FLNA: variants seen among roughly 807,000 people sequenced by gnomAD.
FLNA encodes filamin A, also known as filamin-A.
In FLNA, 7 loss-of-function variants were observed where a neutral mutation model predicts 157.6. The observed-to-expected ratio is 0.04, with a 90% CI of 0.03 to 0.08. The LOEUF (loss-of-function observed/expected upper bound fraction) is 0.08. Ranked by LOEUF, FLNA falls within the 10% of genes least tolerant of loss-of-function variation. The pLI, the probability that FLNA is intolerant of heterozygous loss-of-function variation, is 1.00. For synonymous variants in FLNA, 1,103 were observed against 1,060.8 expected (o/e 1.04, Z -0.77); for missense variants, 1,750 against 2,398.4 (o/e 0.73, Z 5.65).
Position 154,359,402 on chromosome X carries a change from C to T in FLNA, c.4147G>A (p.Ala1383Thr), listed in dbSNP as rs781821894. Reference sequence around the variant, plus strand: ...GCCAGGCCCAGGCCGCCCGTGCCAGCTCCCCTGGTCCAAACAGACAGCCGG... The same window carrying T: ...GCCAGGCCCAGGCCGCCCGTGCCAGTTCCCCTGGTCCAAACAGACAGCCGG... ...PNKFTVETRG[A>T]GTGGLGLAVE... The change falls in exon 25 of 48, where the codon GCT becomes ACT. Residue 1383 changes from alanine to threonine, a missense_variant. By Grantham distance (58) the Ala-to-Thr change is moderately conservative. Transcript: ENST00000369850. 1.7e-6 allele frequency: 2 copies of T among 1,210,539 alleles called. No homozygotes were observed. Among genetic ancestry groups the T allele is most frequent in the African/African-American group, 1.7e-5 (1 of 57,582 alleles).
At chrX:154,370,357 G>A (rs1159857324) in intron 2 of FLNA, among the ~76,000 whole-genome samples, 3 of 111,789 alleles carry the variant, frequency 2.7e-5, no homozygotes, top group African/African-American at 9.8e-5. Context: ...CTGGTGGTTG[G>A]AGCCATCTCC....
At position 154,353,616 on chromosome X, in the gene FLNA, C is replaced by T. The variant is rs782005296; in HGVS notation, c.5798G>A (p.Ser1933Asn). ...SYLPVLPGDYSILVKYNEQHV... is the reference protein window; with the variant it reads ...SYLPVLPGDYNILVKYNEQHV... ...CTGTTCATTGTACTTGACTAGAATG[C>T]TGTAGTCCCCCGGCAGCACAGGCAG... The change falls in exon 36 of 48, where the codon AGC (serine) becomes AAC (asparagine). Residue 1933 changes from serine (S) to asparagine (N), a missense_variant. This residue lies in a region of FLNA where 970 missense variants were observed against 1,302.6 expected (regional missense o/e 0.74). Coordinates refer to ENST00000369850, the MANE Select transcript of FLNA (RefSeq NM_001110556.2). The T allele has an allele frequency of 7.4e-6, 9 of 1,211,690 alleles. No individual in the cohort carries two copies. The South Asian group carries it at 1.6e-4, about 21-fold the overall frequency.
rs781934382 is a variant in FLNA at position 154,359,609 on chromosome X, G to A, written c.4017C>T (p.Pro1339=). Reference sequence around the variant, plus strand: ...GCACCTGGAAGGGGCTGCTGGGCACGGGACTGCCGTCATAGGTCACGTCCA... The same window carrying A: ...GCACCTGGAAGGGGCTGCTGGGCACAGGACTGCCGTCATAGGTCACGTCCA... ...HSVDVTYDGS[P]VPSSPFQVPV... is the part of the protein sequence containing the mutation. Residue 1339 remains proline, a synonymous_variant, in exon 24 of 48, where the codon CCC becomes CCT. Transcript: ENST00000369850. The A allele has an allele frequency of 5.0e-6, 6 of 1,209,400 alleles. No homozygotes were observed. Among genetic ancestry groups the A allele is most frequent in the South Asian group, 3.5e-5 (2 of 56,879 alleles).
In FLNA at chrX:154,361,744, G is replaced by A; in HGVS notation, c.2870C>T (p.Pro957Leu). The change falls in exon 20 of 48, where the codon CCT becomes CTT. Residue 957 changes from proline to leucine, a missense_variant. This residue lies in a region of FLNA where 648 missense variants were observed against 805.8 expected (regional missense o/e 0.80). Transcript: ENST00000369850. Reference protein sequence around the residue: ...VNVTYGGDPIPKSPFSVAVSP... With the variant: ...VNVTYGGDPILKSPFSVAVSP... ...TACTGCCACTGAGAAAGGGCTCTTA[G>A]GGATGGGATCCCCTCCATAAGTGAC... 1.7e-6 allele frequency: 2 copies of A among 1,209,705 alleles called. No homozygotes were observed. The highest frequency in any genetic ancestry group is 2.3e-4 in the Middle Eastern group (1 of 4,347).
intron 1 of FLNA, among the ~76,000 whole-genome samples, chrX:154,373,351 G>T (rs781984456): frequency 8.9e-6 from 1 of 112,230 alleles, no homozygotes; most frequent in South Asian, 3.6e-4. Flanking sequence ...AGCAGAAAGA[G>T]TGTCAGGAGG....
Position 154,354,302 on chromosome X carries a change from G to A in FLNA, c.5417-11C>T. The A allele has an allele frequency of 8.3e-7, 1 of 1,211,992 alleles. No individual in the cohort carries two copies. Among genetic ancestry groups the A allele is most frequent in the Non-Finnish European group, 1.1e-6 (1 of 895,642 alleles). On this transcript the variant is annotated splice_polypyrimidine_tract_variant and intron_variant, in intron 33 of 47. Coordinates refer to ENST00000369850, the MANE Select transcript of FLNA (RefSeq NM_001110556.2). ...GCATCCGAACCTCCCCTGTGGGGCA[G>A]TGGGGCTGAGGTCAGGGCAGCTCAT...
In FLNA at chrX:154,366,051, T is replaced by C; in HGVS notation, c.1402A>G (p.Ser468Gly). 8.3e-7 allele frequency: 1 copy of C among 1,208,240 alleles called. No homozygotes were observed. The highest frequency in any genetic ancestry group is 1.1e-6 in the Non-Finnish European group (1 of 894,467). The part of the protein sequence containing the change: ...VTFAGVPIPR[S>G]PYTVTVGQAC... ...TGGCCAACAGTGACAGTGTAGGGGCTGCGAGGGATGGGCACGCCGGCAAAC... is the reference window on the plus strand; with the variant it reads ...TGGCCAACAGTGACAGTGTAGGGGCCGCGAGGGATGGGCACGCCGGCAAAC... The change falls in exon 9 of 48, where the codon AGC becomes GGC. Residue 468 changes from serine (S) to glycine (G), a missense_variant. By Grantham distance (56) the Ser-to-Gly change is moderately conservative. Coordinates refer to ENST00000369850, the MANE Select transcript of FLNA (RefSeq NM_001110556.2).
chrX:154,364,059 G>A lies in FLNA; in HGVS notation c.2243C>T (p.Ser748Phe). The stretch of plus-strand genomic sequence containing the variant: ...GTTGGGGATGCTGACGCCTCCCCAG[G>A]ACACCATGGCTGTGTGCTTCACCGG... ...RKPVKHTAMV[S>F]WGGVSIPNSP... The change falls in exon 15 of 48, where the codon TCC (serine) becomes TTC (phenylalanine). Residue 748 changes from serine to phenylalanine, a missense_variant. Transcript: ENST00000369850. 8.3e-7 allele frequency: 1 copy of A among 1,211,373 alleles called. No homozygotes were observed. The highest frequency in any genetic ancestry group is 1.1e-6 in the Non-Finnish European group (1 of 895,236).
Position 154,355,045 on chromosome X carries a change from A to G in FLNA, c.4997T>C (p.Ile1666Thr), listed in dbSNP as rs863223639. Residue 1666 changes from isoleucine (I) to threonine (T), a missense_variant, in exon 31 of 48, where the codon ATT becomes ACT. By Grantham distance (89) the Ile-to-Thr change is moderately conservative. Coordinates refer to ENST00000369850, the MANE Select transcript of FLNA (RefSeq NM_001110556.2). ...CACAGTGATCACCGTCTCCTCCCCA[A>G]TCTGAATGGTGGGGCCGATGCCAGC... ...LGAGIGPTIQ[I>T]GEETVITVDT... The G allele has an allele frequency of 7.5e-6, 9 of 1,205,500 alleles. No homozygotes were observed. The highest frequency in any genetic ancestry group is 5.3e-5 in the South Asian group (3 of 56,847).
rs1420001297 is a variant in FLNA at position 154,349,826 on chromosome X, C to T, written c.7375G>A (p.Ala2459Thr). The T allele has an allele frequency of 7.4e-6, 9 of 1,211,584 alleles. No individual in the cohort carries two copies. Among genetic ancestry groups the T allele is most frequent in the Non-Finnish European group, 1.0e-5 (9 of 895,427 alleles). ...EFVVNTSNAG[A>T]GALSVTIDGP... ...TCAATGGTCACCGACAGGGCACCAG[C>T]TCCCGCATTGCTCGTGTTCACGACG... Residue 2459 changes from alanine to threonine, a missense_variant, in exon 46 of 48, where the codon GCT (alanine) becomes ACT (threonine). Physicochemically the swap from Ala to Thr is moderately conservative, Grantham distance 58. Around this residue, in one of 5 missense-constraint regions of FLNA, gnomAD observed 970 missense variants for 1,302.6 expected, o/e 0.74. Coordinates refer to ENST00000369850, the MANE Select transcript of FLNA (RefSeq NM_001110556.2).
intron 10 of FLNA, 45 bp from the exon 11 acceptor site, chrX:154,365,304 G>A (rs201548282): frequency 2.5e-6 from 3 of 1,211,408 alleles, no homozygotes; most frequent in African/African-American, 3.5e-5. Context: ...CAGTGAACCC[G>A]GGGGCTGCCG....
At chrX:154,365,308 G>T in intron 10 of FLNA, 41 bp downstream of exon 10, 1 of 1,211,824 alleles carries the variant, frequency 8.3e-7, no homozygotes, top group Non-Finnish European at 1.1e-6. Context: ...GAACCCGGGG[G>T]CTGCCGCCAC....
In FLNA at chrX:154,349,001, T is replaced by C; in HGVS notation, c.7792A>G (p.Arg2598Gly). Reference protein sequence around the residue: ...NMLLVGVHGPRTPCEEILVKH... With the variant: ...NMLLVGVHGPGTPCEEILVKH... ...ACCAGGATCTCCTCGCAGGGGGTCC[T>C]TGGGCCATGAACCCCCACCAGCAGC... The change falls in exon 48 of 48, where the codon AGG becomes GGG. Residue 2598 changes from arginine (R) to glycine (G), a missense_variant. Around this residue, in one of 5 missense-constraint regions of FLNA, gnomAD observed 970 missense variants for 1,302.6 expected, o/e 0.74. Transcript: ENST00000369850. The C allele has an allele frequency of 1.7e-6, 2 of 1,211,224 alleles. No individual in the cohort carries two copies. Among genetic ancestry groups the C allele is most frequent in the Non-Finnish European group, 2.2e-6 (2 of 895,238 alleles).
Position 154,357,327 on chromosome X carries a change from G to A in FLNA, c.4946-53C>T, listed in dbSNP as rs148308896. 5,338 of 1,196,012 alleles carry A rather than the reference G, an allele frequency of 4.5e-3. 152 individuals are homozygous for A. In the African/African-American group the frequency reaches 0.08, roughly 18 times the overall value. Reference sequence around the variant, plus strand: ...GAAAGGTCAGGTGAGTCACTCAAGGGGGCGGCCCCCACTCCCACACGCCGC... The same window carrying A: ...GAAAGGTCAGGTGAGTCACTCAAGGAGGCGGCCCCCACTCCCACACGCCGC... On this transcript the variant is annotated intron_variant, in intron 29 of 47. Coordinates refer to ENST00000369850, the MANE Select transcript of FLNA (RefSeq NM_001110556.2).
rs992032761 is a variant in FLNA, at chrX:154,356,145, C to A, written c.4970-1073G>T. On this transcript the variant is annotated intron_variant, in intron 30 of 47. Transcript: ENST00000369850. ...ATCTAGTTAGTGGCTTGGGCCCCAA[C>A]CTCACAGGTACCCGACTGCCCCCAC... Among the ~76,000 whole-genome samples, 104 of 112,158 alleles carry A rather than the reference C, an allele frequency of 9.3e-4. 1 individual carries two copies. The highest frequency in any genetic ancestry group is 1.0e-3 in the Non-Finnish European group (55 of 53,089).
rs372113435 is a variant in FLNA, at chrX:154,366,139, G to T, written c.1314C>A (p.Gly438=). ...GTVEPQLEAR[G]DSTYRCSYQP... is the part of the protein sequence containing the mutation. ...GGTAGCTGCAGCGGTATGTGCTGTCGCCCCGGGCCTCCAGCTGAGGCTCTA... is the reference window on the plus strand; with the variant it reads ...GGTAGCTGCAGCGGTATGTGCTGTCTCCCCGGGCCTCCAGCTGAGGCTCTA... The change falls in exon 9 of 48, where the codon GGC becomes GGA. Residue 438 remains glycine, a synonymous_variant. Coordinates refer to ENST00000369850, the MANE Select transcript of FLNA (RefSeq NM_001110556.2). The T allele has an allele frequency of 8.3e-7, 1 of 1,210,081 alleles. No individual in the cohort carries two copies. The highest frequency in any genetic ancestry group is 1.8e-5 in the South Asian group (1 of 57,024).
In FLNA at chrX:154,351,700, G is replaced by A. The variant is rs782718878; in HGVS notation, c.6908-4C>T. 2 of 1,173,732 alleles carry A rather than the reference G, an allele frequency of 1.7e-6. No homozygotes were observed. The highest frequency in any genetic ancestry group is 2.3e-6 in the Non-Finnish European group (2 of 860,777). On this transcript the variant is annotated splice_polypyrimidine_tract_variant and splice_region_variant and intron_variant, in intron 42 of 47. Coordinates refer to ENST00000369850, the MANE Select transcript of FLNA (RefSeq NM_001110556.2). The stretch of plus-strand genomic sequence containing the variant: ...TTGACTGAGACTTCGTAGTCACCTG[G>A]GCAGGGAAAGAGTGTAAGACCGGCT...
Position 154,364,649 on chromosome X carries a change from C to T in FLNA, c.1899G>A (p.Val633=). ...CGCCAGCCTCCTGCGGCCAGTAGCG[C>T]ACATCACAGGAGCCGTCGCCCTTGT... ...CDDKGDGSCD[V]RYWPQEAGEY... The change falls in exon 13 of 48, where the codon GTG becomes GTA. Residue 633 remains valine (V), a synonymous_variant. Coordinates refer to ENST00000369850, the MANE Select transcript of FLNA (RefSeq NM_001110556.2). The T allele has an allele frequency of 8.3e-7, 1 of 1,211,351 alleles. No homozygotes were observed. Among genetic ancestry groups the T allele is most frequent in the Non-Finnish European group, 1.1e-6 (1 of 895,498 alleles).
intron 30 of FLNA, 121 bp downstream of exon 30, chrX:154,357,130 C>A: frequency 1.4e-6 from 1 of 720,468 alleles, no homozygotes; most frequent in East Asian, 3.4e-5. Flanking sequence ...CTGCACCCCA[C>A]CCAACTCTGT....
Sources: allele counts gnomAD v4.1 joint callset (sites outside exome capture counted in the v4.1 genomes callset), GRCh38; gene constraint gnomAD v4.1.1; regional missense constraint gnomAD v4.1.1; transcripts MANE v1.5; gene names NCBI Gene and HGNC (gene_info 2026-07-23, HGNC 2026-07-21).